Variants in ABCG2 observed in about 807,000 individuals in gnomAD.
ABCG2 encodes the protein broad substrate specificity ATP-binding cassette transporter ABCG2.
A neutral mutation model predicts 73.5 loss-of-function variants in ABCG2; 80 were observed. The observed-to-expected ratio is 1.09, with a 90% CI of 0.91 to 1.31. The LOEUF is 1.31. ABCG2 is among the 50% of genes most tolerant of loss of function. The pLI, the probability that ABCG2 is intolerant of heterozygous loss-of-function variation, is 0.00. For synonymous variants in ABCG2, 269 were observed against 282.4 expected, an observed-to-expected ratio of 0.95 and a Z score of 0.48; for missense variants, 796 against 786.2, an observed-to-expected ratio of 1.01 and a Z score of -0.15.
intron 1 of ABCG2, among the ~76,000 whole-genome samples, chr4:88,218,547 C>A (rs751162527): frequency 6.6e-6 from 1 of 152,104 alleles, no homozygotes; most frequent in Non-Finnish European, 1.5e-5. Context: ...TACCCATCAC[C>A]GAAGCAGTAC....
At chr4:88,170,809 A>G (rs1727727035) in intron 1 of ABCG2, among the ~76,000 whole-genome samples, 1 of 152,226 alleles carries the variant, frequency 6.6e-6, no homozygotes, top group Non-Finnish European at 1.5e-5. Flanking sequence ...TTATAAACCT[A>G]ACGTTTTAGA....
chr4:88,118,005 G>T, intron 7 of ABCG2, 104 bp downstream of exon 7: 1 of 1,119,106 alleles, frequency 8.9e-7, no homozygotes, highest in Non-Finnish European at 1.3e-6. Flanking sequence ...AGATTCTCAT[G>T]GTATGTCTAC....
intron 1 of ABCG2, among the ~76,000 whole-genome samples, chr4:88,191,498 A>G (rs79000748): frequency 2.0e-5 from 3 of 152,068 alleles, no homozygotes; most frequent in Non-Finnish European, 4.4e-5. Flanking sequence ...ATCTTCATAC[A>G]TTGCTGGTAG....
chr4:88,203,596 A>G (rs921858699), intron 1 of ABCG2, among the ~76,000 whole-genome samples: 1 of 152,022 alleles, frequency 6.6e-6, no homozygotes, highest in Non-Finnish European at 1.5e-5. Flanking sequence ...CCTACTAAAA[A>G]TACAAAAATT....
chr4:88,092,439 CAGTAT>C (rs1314366330), intron 15 of ABCG2, 58 bp from the exon 16 acceptor site: 1 of 1,566,066 alleles, frequency 6.4e-7, no homozygotes, highest in African/African-American at 1.4e-5. Flanking sequence ...AAATGTTACT[CAGTAT>C]ATCCACTGTT....
At chr4:88,174,537 C>T (rs1287548900) in intron 1 of ABCG2, among the ~76,000 whole-genome samples, 2 of 152,084 alleles carry the variant, frequency 1.3e-5, no homozygotes, top group African/African-American at 4.8e-5. Flanking sequence ...TACAGACATG[C>T]GCCACCACGC....
chr4:88,118,891 T>C (rs1723773298), intron 6 of ABCG2, among the ~76,000 whole-genome samples: 1 of 152,186 alleles, frequency 6.6e-6, no homozygotes, highest in Non-Finnish European at 1.5e-5. Flanking sequence ...GGCCAAGGGA[T>C]CACAGTTAGT....
intron 1 of ABCG2, among the ~76,000 whole-genome samples, chr4:88,222,538 C>T (rs988120922): frequency 6.6e-6 from 1 of 152,228 alleles, no homozygotes; most frequent in East Asian, 1.9e-4. Context: ...ATGTGACTTG[C>T]TACTCCTGGC....
At chr4:88,152,021 G>C (rs1726526074) in intron 1 of ABCG2, among the ~76,000 whole-genome samples, 1 of 152,046 alleles carries the variant, frequency 6.6e-6, no homozygotes, top group South Asian at 2.1e-4. Flanking sequence ...ATAAATATGG[G>C]TCTCAAATCC....
intron 14 of ABCG2, among the ~76,000 whole-genome samples, 196 bp downstream of exon 14, chr4:88,095,324 T>G (rs1481370710): frequency 2.0e-5 from 3 of 152,196 alleles, no homozygotes; most frequent in African/African-American, 7.2e-5. Context: ...AAAGGATGAC[T>G]GAGGAAAATA....
intron 1 of ABCG2, among the ~76,000 whole-genome samples, chr4:88,207,703 C>T (rs1039379992): frequency 2.6e-5 from 4 of 152,070 alleles, no homozygotes; most frequent in Non-Finnish European, 4.4e-5. Context: ...CCCCAGTATA[C>T]CTGGCTAATT....
chr4:88,212,878 T>C (rs1232311113), intron 1 of ABCG2, among the ~76,000 whole-genome samples: 3 of 152,168 alleles, frequency 2.0e-5, no homozygotes, highest in African/African-American at 4.8e-5. Flanking sequence ...ATAAGAATAA[T>C]AAATTATTTG....
chr4:88,214,219 C>T (rs1471376766), intron 1 of ABCG2, among the ~76,000 whole-genome samples: 2 of 151,054 alleles, frequency 1.3e-5, no homozygotes, highest in Non-Finnish European at 2.9e-5. Context: ...AACTCGGGCT[C>T]CAGCAGTGTA....
intron 1 of ABCG2, among the ~76,000 whole-genome samples, chr4:88,167,748 C>G (rs926260207): frequency 6.6e-6 from 1 of 152,120 alleles, no homozygotes; most frequent in African/African-American, 2.4e-5. Flanking sequence ...TTAGAGTCAT[C>G]TGACTTAGGA....
chr4:88,165,658 G>A (rs772844023), intron 1 of ABCG2, among the ~76,000 whole-genome samples: 4 of 152,168 alleles, frequency 2.6e-5, no homozygotes, highest in Non-Finnish European at 4.4e-5. Flanking sequence ...GGTGGATTAC[G>A]AGGTCAGGAG....
intron 1 of ABCG2, among the ~76,000 whole-genome samples, chr4:88,176,477 C>CTTTT (rs34754034): frequency 6.1e-4 from 52 of 84,834 alleles, no homozygotes; most frequent in African/African-American, 1.3e-3. Flanking sequence ...AAAGAGAATG[C>CTTTT]TTTTTTTTTT....
intron 1 of ABCG2, among the ~76,000 whole-genome samples, chr4:88,166,604 C>T (rs181927572): frequency 6.6e-6 from 1 of 152,286 alleles, no homozygotes; most frequent in Non-Finnish European, 1.5e-5. Flanking sequence ...ACAGCAACAC[C>T]AAGGCCCCTA....
At chr4:88,149,863 A>G (rs1726331566) in intron 1 of ABCG2, among the ~76,000 whole-genome samples, 1 of 152,120 alleles carries the variant, frequency 6.6e-6, no homozygotes, top group African/African-American at 2.4e-5. Flanking sequence ...AAAAATAATA[A>G]TAATAATTCG....
At chr4:88,203,227 A>T (rs1049017691) in intron 1 of ABCG2, among the ~76,000 whole-genome samples, 2 of 152,242 alleles carry the variant, frequency 1.3e-5, no homozygotes, top group African/African-American at 4.8e-5. Context: ...GGAATTGAGG[A>T]TGAGGCGAAA....
Sources: gnomAD v4.1 joint callset for allele counts (sites outside exome capture counted in the v4.1 genomes callset) on GRCh38, gnomAD v4.1.1 for gene constraint, MANE v1.5 for transcripts, NCBI Gene and HGNC (gene_info 2026-07-23, HGNC 2026-07-21) for gene names.